Variants in INPP4B observed in about 807,000 individuals in gnomAD.
INPP4B encodes inositol polyphosphate 4-phosphatase type II.
In INPP4B, 55 loss-of-function variants were observed where a neutral mutation model predicts 122.5. The observed-to-expected ratio is 0.45, with a 90% CI of 0.36 to 0.56. The LOEUF (loss-of-function observed/expected upper bound fraction) is 0.56. Among genes scored for constraint, INPP4B ranks in the 20% least tolerant of loss-of-function variants. INPP4B has a pLI of 0.00. For missense variants in INPP4B, 1,000 were observed against 1,097.7 expected (o/e 0.91, Z 1.26); for synonymous variants, 403 against 388.7 (o/e 1.04, Z -0.43).
At chr4:142,409,318 C>A (rs1246723567) in intron 5 of INPP4B, among the ~76,000 whole-genome samples, 1 of 152,124 alleles carries the variant, frequency 6.6e-6, no homozygotes, top group African/African-American at 2.4e-5. Flanking sequence ...CATGGCAAAA[C>A]CCCATCTCTA....
Position 142,108,172 on chromosome 4 carries a change from CAA to C in INPP4B, c.2293_2294del (p.Leu765AlafsTer5). ...TLAERFGDVS[L>X]QESINQENFE... ...AGTTTTCCTGATTAATACTTTCTTG[CAA>C]AGAGACATCTCCAAACCTACAAACA... On this transcript the variant is annotated frameshift_variant, in exon 23 of 26. Transcript: ENST00000262992. LOFTEE classifies it high-confidence loss of function. 1 of 1,593,932 alleles carries C rather than the reference CAA, an allele frequency of 6.3e-7. No homozygotes were observed. Among genetic ancestry groups the C allele is most frequent in the Admixed American group, 1.7e-5 (1 of 59,570 alleles).
At chr4:142,139,444 C>G (rs1806556850) in intron 18 of INPP4B, among the ~76,000 whole-genome samples, 1 of 152,016 alleles carries the variant, frequency 6.6e-6, no homozygotes, top group Admixed American at 6.6e-5. Context: ...GTAGCTGGGA[C>G]TACAGGCGCG....
intron 2 of INPP4B, among the ~76,000 whole-genome samples, chr4:142,681,782 T>G (rs1580698298): frequency 6.6e-6 from 1 of 151,942 alleles, no homozygotes; most frequent in Non-Finnish European, 1.5e-5. Flanking sequence ...TTTCTAATAA[T>G]CTGCCTTGAA....
intron 2 of INPP4B, among the ~76,000 whole-genome samples, chr4:142,631,000 A>G (rs1390487254): frequency 6.6e-6 from 1 of 152,158 alleles, no homozygotes; most frequent in Non-Finnish European, 1.5e-5. Flanking sequence ...TCCTCTCTGC[A>G]GAAAAATGAC....
intron 2 of INPP4B, among the ~76,000 whole-genome samples, chr4:142,486,871 T>C (rs1480459807): frequency 6.6e-6 from 1 of 152,188 alleles, no homozygotes; most frequent in African/African-American, 2.4e-5. Flanking sequence ...CCTTGATGCC[T>C]ATGCAAAAAT....
At chr4:142,813,711 T>C (rs1426785955) in intron 1 of INPP4B, among the ~76,000 whole-genome samples, 5 of 152,136 alleles carry the variant, frequency 3.3e-5, no homozygotes, top group Non-Finnish European at 5.9e-5. Flanking sequence ...ACAAAATACA[T>C]GAATACTAAA....
intron 18 of INPP4B, among the ~76,000 whole-genome samples, chr4:142,137,234 A>G (rs336410): frequency 0.64 from 96,264 of 149,868 alleles, 36,224 homozygotes; most frequent in South Asian, 0.83. Flanking sequence ...AACACCGCAT[A>G]TCTACAACTA....
At chr4:142,398,619 G>T (rs1314711886) in intron 7 of INPP4B, among the ~76,000 whole-genome samples, 1 of 100,176 alleles carries the variant, frequency 1.0e-5, no homozygotes, top group Non-Finnish European at 2.5e-5. Flanking sequence ...AAAATCAAGT[G>T]AAATAAAAAT....
intron 25 of INPP4B, chr4:142,030,002 A>C: frequency 7.2e-7 from 1 of 1,380,876 alleles, no homozygotes; most frequent in East Asian, 2.5e-5. Context: ...AGGAAAAACA[A>C]ACTAAACACA....
intron 11 of INPP4B, among the ~76,000 whole-genome samples, chr4:142,257,712 A>G (rs943121924): frequency 6.6e-5 from 10 of 152,348 alleles, no homozygotes; most frequent in Admixed American, 5.9e-4. Context: ...AAGAGGATAC[A>G]AACAAATAGA....
intron 1 of INPP4B, among the ~76,000 whole-genome samples, chr4:142,805,204 T>C (rs957957735): frequency 8.5e-5 from 13 of 152,240 alleles, no homozygotes; most frequent in Admixed American, 7.2e-4. Context: ...GGCTAAATCC[T>C]TAACATAATT....
At chr4:142,513,808 T>G (rs111527964) in intron 2 of INPP4B, among the ~76,000 whole-genome samples, 1 of 152,110 alleles carries the variant, frequency 6.6e-6, no homozygotes, top group Non-Finnish European at 1.5e-5. Flanking sequence ...TACCATCACA[T>G]TGGGGATTAG....
chr4:142,356,597 G>C (rs1783696972), intron 7 of INPP4B, among the ~76,000 whole-genome samples: 1 of 151,822 alleles, frequency 6.6e-6, no homozygotes, highest in Admixed American at 6.6e-5. Flanking sequence ...TAACATATTT[G>C]GTTTCTGCTC....
intron 25 of INPP4B, among the ~76,000 whole-genome samples, chr4:142,049,616 A>C (rs1045965552): frequency 6.6e-6 from 1 of 152,040 alleles, no homozygotes; most frequent in African/African-American, 2.4e-5. Flanking sequence ...AGGGATAGGA[A>C]GAAAATAGAT....
chr4:142,473,971 T>G (rs1433976551), intron 2 of INPP4B, among the ~76,000 whole-genome samples: 3 of 151,998 alleles, frequency 2.0e-5, no homozygotes, highest in Non-Finnish European at 2.9e-5. Context: ...CTAGTGCTCC[T>G]GCTTCTGTGT....
chr4:142,576,483 C>T (rs898829802), intron 2 of INPP4B, among the ~76,000 whole-genome samples: 14 of 151,558 alleles, frequency 9.2e-5, no homozygotes, highest in Non-Finnish European at 1.5e-4. Context: ...ATGGATTCCA[C>T]TTGAAAATAA....
intron 9 of INPP4B, among the ~76,000 whole-genome samples, chr4:142,304,476 A>G (rs1180352643): frequency 2.0e-5 from 3 of 152,040 alleles, no homozygotes; most frequent in Non-Finnish European, 4.4e-5. Flanking sequence ...AAATTATCTT[A>G]TCAAAACAAA....
At chr4:142,420,164 C>T (rs1176676736) in intron 5 of INPP4B, among the ~76,000 whole-genome samples, 1 of 151,810 alleles carries the variant, frequency 6.6e-6, no homozygotes, top group East Asian at 1.9e-4. Context: ...TTGCTTAATC[C>T]ATGTTGAATA....
intron 2 of INPP4B, among the ~76,000 whole-genome samples, chr4:142,597,886 T>G: frequency 6.6e-6 from 1 of 151,948 alleles, no homozygotes; most frequent in Non-Finnish European, 1.5e-5. Context: ...CCACAGAAAA[T>G]TTATTGTAGA....
Sources: gnomAD v4.1 joint callset for allele counts (sites outside exome capture counted in the v4.1 genomes callset) on GRCh38, gnomAD v4.1.1 for gene constraint, MANE v1.5 for transcripts, NCBI Gene and HGNC (gene_info 2026-07-23, HGNC 2026-07-21) for gene names.